PLEKHM1: variants seen among roughly 807,000 people sequenced by gnomAD.
The protein encoded by PLEKHM1 is pleckstrin homology and RUN domain containing M1, also known as pleckstrin homology domain-containing family M member 1.
PLEKHM1 carries 28 observed loss-of-function variants against 94.3 expected under a neutral mutation model. The ratio of observed to expected loss-of-function variants is 0.30; its 90% CI spans 0.22 to 0.41. The LOEUF (loss-of-function observed/expected upper bound fraction) is 0.41, where lower values mean the gene tolerates loss of function less well. Among genes scored for constraint, PLEKHM1 ranks in the 10% least tolerant of loss-of-function variants. The pLI, the probability that PLEKHM1 is intolerant of heterozygous loss-of-function variation, is 1.00. For missense variants in PLEKHM1, 907 were observed against 1,358.6 expected (o/e 0.67, Z 5.22); for synonymous variants, 424 against 581.2 (o/e 0.73, Z 3.89).
chr17:45,463,055 CCACCT>C (rs1266705044), intron 5 of PLEKHM1, among the ~76,000 whole-genome samples: 2 of 148,570 alleles, frequency 1.3e-5, no homozygotes, highest in African/African-American at 4.9e-5. Flanking sequence ...TATTGCACTC[CCACCT>C]GGGCAACAGC....
At position 45,436,325 on chromosome 17, in the gene PLEKHM1, G is replaced by C; in HGVS notation, c.*1533C>G. On this transcript the variant is annotated 3_prime_UTR_variant, in exon 12 of 12. Coordinates refer to ENST00000430334, the MANE Select transcript of PLEKHM1 (RefSeq NM_014798.3). Reference sequence around the variant, plus strand: ...CCTGGCTTAGGAGGCATTGGCGTCTGGGCACAGGTGTGTGCCATGACCGGG... The same window carrying C: ...CCTGGCTTAGGAGGCATTGGCGTCTCGGCACAGGTGTGTGCCATGACCGGG... The C allele has an allele frequency of 2.2e-6, 1 of 454,186 alleles. No homozygotes were observed. Among genetic ancestry groups the C allele is most frequent in the Non-Finnish European group, 4.4e-6 (1 of 226,794 alleles). 28.1% of individuals were successfully genotyped at this position (454,186 alleles called of 1,614,324 possible).
Position 45,475,298 on chromosome 17 carries a change from C to T in PLEKHM1, c.725G>A (p.Arg242Gln), listed in dbSNP as rs751248256. 19 of 1,613,798 alleles carry T rather than the reference C, an allele frequency of 1.2e-5. No homozygotes were observed. The highest frequency in any genetic ancestry group is 5.3e-5 in the African/African-American group (4 of 74,890). ...IEVHHSGHKI[R>Q]RNQKLTASSL... The stretch of plus-strand genomic sequence containing the variant: ...GGAGGCAGTCAGCTTCTGGTTCCTC[C>T]GTATCTTATGGCCCGAGTGATGGAC... Residue 242 changes from arginine (R) to glutamine (Q), a missense_variant, in exon 4 of 12, where the codon CGG (arginine) becomes CAG (glutamine). By Grantham distance (43) the Arg-to-Gln change is conservative (BLOSUM62 1). This residue lies in a region of PLEKHM1 where 176 missense variants were observed against 306.0 expected (regional missense o/e 0.58). Transcript: ENST00000430334.
chr17:45,457,620 G>A (rs1185746795), intron 6 of PLEKHM1, among the ~76,000 whole-genome samples: 1 of 151,900 alleles, frequency 6.6e-6, no homozygotes, highest in African/African-American at 2.4e-5. Context: ...AGCTATTTGG[G>A]AGGCTGAGAC....
chr17:45,445,579 C>T lies in PLEKHM1; in HGVS notation c.2728G>A (p.Glu910Lys), dbSNP rs201076779. The T allele has an allele frequency of 1.3e-4, 211 of 1,613,630 alleles. No homozygotes were observed. The highest frequency in any genetic ancestry group is 2.2e-5 in the East Asian group (1 of 44,902). ...ATGAGGTGCATCCGCTCCACATGCT[C>T]GTACAGAGACGCGTTCACCATCTGC... ...NLQMVNASLYEHVERMHLIGR... is the reference protein window; with the variant it reads ...NLQMVNASLYKHVERMHLIGR... The change falls in exon 9 of 12, where the codon GAG becomes AAG. Residue 910 changes from glutamate (E) to lysine (K), a missense_variant. Physicochemically the swap from Glu to Lys is moderately conservative, Grantham distance 56 (BLOSUM62 1). Coordinates refer to ENST00000430334, the MANE Select transcript of PLEKHM1 (RefSeq NM_014798.3). This position sits in a 1 kb window ranked among gnomAD's most constrained non-coding sequence, Gnocchi z 4.2.
At chr17:45,449,297 TCTACCCATCTAC>T (rs1367279014) in intron 8 of PLEKHM1, among the ~76,000 whole-genome samples, 2 of 150,650 alleles carry the variant, frequency 1.3e-5, no homozygotes, top group East Asian at 2.0e-4. Flanking sequence ...CGTCCACCCA[TCTACCCATCTAC>T]CTACCCATCT....
At chr17:45,480,102 C>T (rs958477895) in intron 2 of PLEKHM1, among the ~76,000 whole-genome samples, 3 of 152,004 alleles carry the variant, frequency 2.0e-5, no homozygotes, top group South Asian at 2.1e-4. Flanking sequence ...AATTCATATA[C>T]CATAAAATAC....
chr17:45,478,780 G>C (rs1210912265), intron 2 of PLEKHM1, among the ~76,000 whole-genome samples: 1 of 151,844 alleles, frequency 6.6e-6, no homozygotes, highest in Non-Finnish European at 1.5e-5. Context: ...GCAGTGAGCT[G>C]TGATCACACC....
chr17:45,479,107 C>T, intron 2 of PLEKHM1, among the ~76,000 whole-genome samples: 1 of 151,370 alleles, frequency 6.6e-6, no homozygotes, highest in African/African-American at 2.4e-5. Flanking sequence ...GGTGTGGTGG[C>T]TCACACCTGT....
intron 6 of PLEKHM1, 71 bp from the exon 7 acceptor site, chr17:45,454,343 C>G: frequency 2.9e-6 from 4 of 1,384,376 alleles, no homozygotes; most frequent in Non-Finnish European, 4.0e-6. Context: ...GCAGCCTCTG[C>G]TGCCTGATGC....
At chr17:45,482,994 C>G (rs1421121485) in intron 1 of PLEKHM1, among the ~76,000 whole-genome samples, 3 of 151,830 alleles carry the variant, frequency 2.0e-5, no homozygotes, top group Non-Finnish European at 4.4e-5. Flanking sequence ...CCTGCCCCCA[C>G]CCCTCACTCC....
chr17:45,446,147 T>A (rs1345551749), intron 8 of PLEKHM1: 1 of 233,784 alleles, frequency 4.3e-6, no homozygotes, highest in African/African-American at 2.3e-5. Flanking sequence ...TTCCCTGAGC[T>A]CCCTCGGCTC....
chr17:45,475,453 G>A lies in PLEKHM1; in HGVS notation c.570C>T (p.Leu190=), dbSNP rs769987938. 23 of 1,610,298 alleles carry A rather than the reference G, an allele frequency of 1.4e-5. No individual in the cohort carries two copies. The highest frequency in any genetic ancestry group is 1.3e-4 in the African/African-American group (10 of 75,030). The change falls in exon 4 of 12, where the codon CTC becomes CTT. Residue 190 remains leucine (L), a synonymous_variant. Transcript: ENST00000430334. ...AAAGCCCAGACAGGGCCAATGGGGT[G>A]AGCGTCCACTCATTTAAGATGGCAG... The part of the protein sequence containing the change: ...YKSAILNEWT[L]TPLALSGLCP...
chr17:45,453,164 G>A lies in PLEKHM1; in HGVS notation c.2497+191C>T. 1 of 646,578 alleles carries A rather than the reference G, an allele frequency of 1.5e-6. No individual in the cohort carries two copies. The highest frequency in any genetic ancestry group is 2.8e-6 in the Non-Finnish European group (1 of 358,520). The allele number at this position is 646,578 out of a possible 1,614,324, so 40.1% of individuals were successfully genotyped here. On this transcript the variant is annotated intron_variant, in intron 7 of 11. Coordinates refer to ENST00000430334, the MANE Select transcript of PLEKHM1 (RefSeq NM_014798.3). This position sits in a 1 kb window ranked among gnomAD's most constrained non-coding sequence, Gnocchi z 4.1. ...GGTGAGCAGGGCCCACTGCCTATGA[G>A]CAGGGCACTGGCCCCAGCCGGGGCT...
At chr17:45,441,767 T>A (rs2050454257) in intron 9 of PLEKHM1, among the ~76,000 whole-genome samples, 1 of 152,168 alleles carries the variant, frequency 6.6e-6, no homozygotes, top group Admixed American at 6.5e-5. Flanking sequence ...TGGGGCACAG[T>A]CAGGCCTACT....
chr17:45,486,799 C>T (rs1469884600), intron 1 of PLEKHM1, among the ~76,000 whole-genome samples: 5 of 152,138 alleles, frequency 3.3e-5, no homozygotes, highest in Admixed American at 3.3e-4. Context: ...TAGCACCCCA[C>T]CTATCTGTAT....
At chr17:45,461,027 G>A (rs1478731502) in intron 5 of PLEKHM1, among the ~76,000 whole-genome samples, 1 of 152,156 alleles carries the variant, frequency 6.6e-6, no homozygotes, top group African/African-American at 2.4e-5. Context: ...TGGGACTACA[G>A]GTGCCTGCCA....
Position 45,445,138 on chromosome 17 carries a change from A to G in PLEKHM1, c.2837+332T>C, listed in dbSNP as rs1387082105. On this transcript the variant is annotated intron_variant, in intron 9 of 11. Coordinates refer to ENST00000430334, the MANE Select transcript of PLEKHM1 (RefSeq NM_014798.3). The surrounding 1 kb of genome is among the most constrained non-coding windows in gnomAD (Gnocchi z 4.2). Reference sequence around the variant, plus strand: ...TGTTTTTGAGTGAACAAATAGATACATGAACAAAACCCCAAAATCACCCCC... The same window carrying G: ...TGTTTTTGAGTGAACAAATAGATACGTGAACAAAACCCCAAAATCACCCCC... Among the ~76,000 whole-genome samples, 1 of 152,270 alleles carries G rather than the reference A, an allele frequency of 6.6e-6. No homozygotes were observed. The highest frequency in any genetic ancestry group is 6.5e-5 in the Admixed American group (1 of 15,288).
At chr17:45,468,066 A>G (rs2051374549) in intron 5 of PLEKHM1, 143 bp downstream of exon 5, 1 of 814,082 alleles carries the variant, frequency 1.2e-6, no homozygotes, top group African/African-American at 1.7e-5. Flanking sequence ...CCCCATCATC[A>G]TGATGCTATT....
At chr17:45,480,075 C>T (rs571416814) in intron 2 of PLEKHM1, among the ~76,000 whole-genome samples, 5 of 152,052 alleles carry the variant, frequency 3.3e-5, no homozygotes, top group Admixed American at 6.5e-5. Context: ...AAAAATATAA[C>T]GGTTTTAATG....
Sources: allele counts gnomAD v4.1 joint callset (sites outside exome capture counted in the v4.1 genomes callset), GRCh38; gene constraint gnomAD v4.1.1; regional missense constraint gnomAD v4.1.1; non-coding constraint Gnocchi (gnomAD v3.1); transcripts MANE v1.5; gene names NCBI Gene and HGNC (gene_info 2026-07-23, HGNC 2026-07-21).